RTF2: variants seen among roughly 807,000 people sequenced by gnomAD.
RTF2 encodes replication termination factor 2, also known as UPF0549 protein C20orf43.
RTF2 carries 18 observed loss-of-function variants against 38.0 expected under a neutral mutation model. The observed-to-expected ratio is 0.47, with a 90% CI of 0.33 to 0.70. The LOEUF is 0.70. Among genes scored for constraint, RTF2 ranks in the 30% least tolerant of loss-of-function variants. The pLI is 0.02. For missense variants in RTF2, 311 were observed against 379.6 expected, an observed-to-expected ratio of 0.82 and a Z score of 1.50; for synonymous variants, 126 against 137.1, an observed-to-expected ratio of 0.92 and a Z score of 0.57.
In RTF2 at chr20:56,508,718, T is replaced by C. The variant is rs368441402; in HGVS notation, c.478-4597T>C. Among the ~76,000 whole-genome samples, 276 of 152,320 alleles carry C rather than the reference T, an allele frequency of 1.8e-3. 2 individuals are homozygous for C. The highest frequency in any genetic ancestry group is 6.4e-3 in the African/African-American group (267 of 41,576). On this transcript the variant is annotated intron_variant, in intron 5 of 8. Transcript: ENST00000357348. ...AAATAGGGAGTCCGGAAATAAACCC[T>C]CACATGTATGGTCATTGATTTTTGA...
intron 5 of RTF2, among the ~76,000 whole-genome samples, chr20:56,501,671 G>C (rs1268264684): frequency 2.6e-5 from 4 of 152,040 alleles, no homozygotes; most frequent in Non-Finnish European, 2.9e-5. Flanking sequence ...GGGCGATGTA[G>C]TGAGACCCCT....
chr20:56,511,007 T>C (rs12106067), intron 5 of RTF2, among the ~76,000 whole-genome samples: 46,548 of 152,134 alleles, frequency 0.31, 8,968 homozygotes, highest in Non-Finnish European at 0.43. Context: ...ATCCTTTGAA[T>C]GTTATATATG....
chr20:56,469,221 T>A (rs954182755), intron 1 of RTF2, among the ~76,000 whole-genome samples: 1 of 152,204 alleles, frequency 6.6e-6, no homozygotes, highest in Non-Finnish European at 1.5e-5. Context: ...ACCACATCCT[T>A]TTATAAACTG....
chr20:56,502,340 T>G (rs1035569189), intron 5 of RTF2, among the ~76,000 whole-genome samples: 4 of 152,244 alleles, frequency 2.6e-5, no homozygotes, highest in Admixed American at 2.0e-4. Context: ...CTCTTCTAAT[T>G]AGAGCCAGTG....
intron 3 of RTF2, among the ~76,000 whole-genome samples, chr20:56,475,070 A>G (rs1284804844): frequency 3.3e-5 from 5 of 152,210 alleles, no homozygotes; most frequent in African/African-American, 1.2e-4. Context: ...ACCTACTTGG[A>G]TTTTGGATTT....
intron 5 of RTF2, among the ~76,000 whole-genome samples, chr20:56,490,898 A>G (rs991237868): frequency 6.6e-6 from 1 of 152,234 alleles, no homozygotes; most frequent in Non-Finnish European, 1.5e-5. Context: ...CGCTCCAGCC[A>G]TGTTTCCAAT....
At chr20:56,496,742 T>C (rs1983566968) in intron 5 of RTF2, 1 of 1,552,186 alleles carries the variant, frequency 6.4e-7, no homozygotes, top group Non-Finnish European at 8.7e-7. Context: ...GTATGAACTC[T>C]ACAAACTTCC....
At chr20:56,499,341 C>A (rs946046702) in intron 5 of RTF2, among the ~76,000 whole-genome samples, 2 of 151,658 alleles carry the variant, frequency 1.3e-5, no homozygotes, top group African/African-American at 2.4e-5. Context: ...CCACCATGCC[C>A]GGCTAATTTT....
intron 5 of RTF2, among the ~76,000 whole-genome samples, chr20:56,487,970 A>G (rs1456271147): frequency 1.3e-5 from 2 of 152,214 alleles, no homozygotes; most frequent in African/African-American, 4.8e-5. Flanking sequence ...GTTTCCCAAT[A>G]AGGTCACATT....
intron 5 of RTF2, among the ~76,000 whole-genome samples, chr20:56,485,057 C>T (rs1190428859): frequency 6.6e-6 from 1 of 152,130 alleles, no homozygotes; most frequent in African/African-American, 2.4e-5. Flanking sequence ...GGCCCTTGCC[C>T]TCCTGCATCC....
intron 5 of RTF2, among the ~76,000 whole-genome samples, chr20:56,485,948 A>G (rs1416212193): frequency 6.6e-6 from 1 of 152,084 alleles, no homozygotes; most frequent in Non-Finnish European, 1.5e-5. Flanking sequence ...TTTTTTGTCT[A>G]CTGGTAAGAA....
chr20:56,492,460 C>A (rs1162192347), intron 5 of RTF2, among the ~76,000 whole-genome samples: 1 of 149,558 alleles, frequency 6.7e-6, no homozygotes, highest in Non-Finnish European at 1.5e-5. Flanking sequence ...TGGCTCACAC[C>A]TGTAATCCCA....
chr20:56,480,719 T>C (rs1982488271), intron 4 of RTF2, among the ~76,000 whole-genome samples: 1 of 152,184 alleles, frequency 6.6e-6, no homozygotes, highest in Admixed American at 6.5e-5. Flanking sequence ...ATTGGCCTAA[T>C]TTCAATATTG....
intron 3 of RTF2, among the ~76,000 whole-genome samples, chr20:56,475,016 T>C (rs956128783): frequency 2.0e-5 from 3 of 152,196 alleles, no homozygotes; most frequent in Non-Finnish European, 4.4e-5. Flanking sequence ...AATTTTGATG[T>C]TCTCTATTAA....
At chr20:56,495,269 G>A in intron 5 of RTF2, 1 of 1,551,266 alleles carries the variant, frequency 6.4e-7, no homozygotes, top group East Asian at 2.4e-5. Flanking sequence ...TTCCTTCCCA[G>A]CCAGCGTTTG....
Position 56,518,224 on chromosome 20 carries a change from G to T in RTF2, c.880G>T (p.Glu294Ter). Residue 294 changes from glutamate (E) to a stop codon, truncating the protein, a stop_gained, in exon 9 of 9, where the codon GAG (glutamate) becomes TAG (stop). Transcript: ENST00000357348. LOFTEE classifies it high-confidence loss of function. ...THSSAKRSKE[E>*]SAHWVTHTSY... ...CAGCTCCGCCAAGCGCTCCAAGGAGGAGTCTGCCCACTGGGTCACCCACAC... is the reference window on the plus strand; with the variant it reads ...CAGCTCCGCCAAGCGCTCCAAGGAGTAGTCTGCCCACTGGGTCACCCACAC... 6.2e-7 allele frequency: 1 copy of T among 1,614,080 alleles called. No homozygotes were observed. Among genetic ancestry groups the T allele is most frequent in the Non-Finnish European group, 8.5e-7 (1 of 1,179,986 alleles).
intron 5 of RTF2, among the ~76,000 whole-genome samples, chr20:56,511,851 G>T (rs1352233666): frequency 1.3e-5 from 2 of 150,398 alleles, no homozygotes; most frequent in Admixed American, 1.3e-4. Context: ...TTTTTTTTTT[G>T]AGACGGAGTC....
At chr20:56,505,470 A>G (rs761053527) in intron 5 of RTF2, among the ~76,000 whole-genome samples, 5 of 135,646 alleles carry the variant, frequency 3.7e-5, no homozygotes, top group Non-Finnish European at 7.8e-5. Flanking sequence ...TCTGGGCAAC[A>G]GAGTGAGATG....
At chr20:56,497,497 C>A in intron 5 of RTF2, 2 of 1,487,090 alleles carry the variant, frequency 1.3e-6, no homozygotes, top group African/African-American at 1.4e-5. Flanking sequence ...TCTGGTTGGG[C>A]AGGTTCTTCT....
Sources: allele counts gnomAD v4.1 joint callset (sites outside exome capture counted in the v4.1 genomes callset), GRCh38; gene constraint gnomAD v4.1.1; transcripts MANE v1.5; gene names NCBI Gene and HGNC (gene_info 2026-07-23, HGNC 2026-07-21).